BLTP1: variants seen among roughly 807,000 people sequenced by gnomAD.
The protein encoded by BLTP1 is fragile site-associated protein.
chr4:122,341,051 A>G, the BLTP1 span, among the ~76,000 whole-genome samples: 1 of 152,172 alleles, frequency 6.6e-6, no homozygotes, highest in Admixed American at 6.5e-5. Context: ...ATTAATGGCT[A>G]TAAGATATTC....
the BLTP1 span, chr4:122,301,414 G>A: frequency 6.9e-7 from 1 of 1,458,670 alleles, no homozygotes; most frequent in Non-Finnish European, 9.2e-7. Flanking sequence ...TAAATATAAT[G>A]ATACTTTTAT....
chr4:122,212,175 A>G, the BLTP1 span: 1 of 387,242 alleles, frequency 2.6e-6, no homozygotes, highest in Non-Finnish European at 3.5e-6. Flanking sequence ...TTTTGAAGGT[A>G]TATAGCATCT....
chr4:122,306,958 T>C, the BLTP1 span, among the ~76,000 whole-genome samples: 36,825 of 152,038 alleles, frequency 0.24, 4,856 homozygotes, highest in African/African-American at 0.31. Context: ...CCCATGTACA[T>C]GTTTTTCAGT....
the BLTP1 span, chr4:122,214,222 A>G: frequency 1.0e-6 from 1 of 971,486 alleles, no homozygotes; most frequent in Non-Finnish European, 1.2e-6. Context: ...TAGCTAGGAA[A>G]AACATTGCAG....
the BLTP1 span, among the ~76,000 whole-genome samples, chr4:122,198,696 T>C: frequency 1.3e-5 from 2 of 151,996 alleles, no homozygotes; most frequent in Non-Finnish European, 2.9e-5. Context: ...GTATAGAGGT[T>C]AGGTAGCTTT....
chr4:122,264,353 A>G, the BLTP1 span: 3 of 1,611,634 alleles, frequency 1.9e-6, no homozygotes, highest in African/African-American at 4.0e-5. Flanking sequence ...TCAGCATAGC[A>G]CCAGTCAGGA....
At chr4:122,238,939 C>G in the BLTP1 span, among the ~76,000 whole-genome samples, 4 of 152,132 alleles carry the variant, frequency 2.6e-5, no homozygotes, top group Non-Finnish European at 4.4e-5. Context: ...TAGCTAACAT[C>G]TTTTAAATGT....
chr4:122,335,840 AAC>A, the BLTP1 span, among the ~76,000 whole-genome samples: 3 of 152,090 alleles, frequency 2.0e-5, no homozygotes, highest in East Asian at 5.8e-4. Context: ...AAAGCCTGAA[AAC>A]AGTGACGTTT....
chr4:122,362,359 G>A, the BLTP1 span: 1 of 860,662 alleles, frequency 1.2e-6, no homozygotes, highest in African/African-American at 1.7e-5. Context: ...TAAATTTGTG[G>A]CTATAATTAA....
chr4:122,164,356 AG>A, the BLTP1 span: 8 of 952,062 alleles, frequency 8.4e-6, no homozygotes, highest in African/African-American at 1.8e-5. Context: ...ATTACACGCC[AG>A]TTGTAAAACA....
At chr4:122,324,634 A>G in the BLTP1 span, 1 of 935,952 alleles carries the variant, frequency 1.1e-6, no homozygotes, top group South Asian at 2.1e-5. Context: ...AATTAAGATA[A>G]CAAAAATTAA....
the BLTP1 span, chr4:122,325,816 G>GTTTTTTTTTTTTTTTTTTTTTTTTTT: frequency 1.3e-6 from 1 of 786,100 alleles, no homozygotes. Flanking sequence ...TTTTTCATGA[G>GTTTTTTTTTTTTTTTTTTTTTTTTTT]TTTTTTTTTT....
chr4:122,213,348 G>C, the BLTP1 span, among the ~76,000 whole-genome samples: 18 of 152,104 alleles, frequency 1.2e-4, no homozygotes, highest in African/African-American at 4.3e-4. Context: ...TGGTCTGTTT[G>C]TTTAACTATA....
the BLTP1 span, among the ~76,000 whole-genome samples, chr4:122,319,743 C>G: frequency 1.3e-5 from 2 of 151,744 alleles, no homozygotes; most frequent in Non-Finnish European, 2.9e-5. Context: ...GTTTCACCAT[C>G]TTGGCCAGGC....
chr4:122,229,612 T>A, the BLTP1 span: 1 of 530,032 alleles, frequency 1.9e-6, no homozygotes, highest in Non-Finnish European at 2.4e-6. Flanking sequence ...CCCACTCTTT[T>A]ATGGATTGTA....
chr4:122,337,501 C>T, the BLTP1 span, among the ~76,000 whole-genome samples: 16 of 152,030 alleles, frequency 1.1e-4, no homozygotes, highest in Admixed American at 8.5e-4. Flanking sequence ...GTATCACTTT[C>T]GCCCAGCCTA....
At chr4:122,307,393 G>A in the BLTP1 span, 1 of 847,656 alleles carries the variant, frequency 1.2e-6, no homozygotes. Flanking sequence ...ACCTGCATTT[G>A]CTTTTCCTCC....
At chr4:122,251,269 G>GT in the BLTP1 span, 1 of 953,574 alleles carries the variant, frequency 1.0e-6, no homozygotes, top group African/African-American at 1.8e-5. Context: ...TAAGAATGTA[G>GT]TAACTGTTGT....
the BLTP1 span, chr4:122,154,521 CTG>C: frequency 1.0e-6 from 1 of 975,378 alleles, no homozygotes; most frequent in South Asian, 4.7e-5. Flanking sequence ...TGTCAAAATT[CTG>C]TTCTCTCTTT....
Sources: allele counts gnomAD v4.1 joint callset (sites outside exome capture counted in the v4.1 genomes callset), GRCh38; gene constraint gnomAD v4.1.1; transcripts MANE v1.5; gene names NCBI Gene and HGNC (gene_info 2026-07-23, HGNC 2026-07-21).